Variants in KLHL35 observed in about 807,000 individuals in gnomAD.
KLHL35 encodes the protein kelch like family member 35.
KLHL35 carries 50 observed loss-of-function variants against 44.0 expected under a neutral mutation model. The observed-to-expected ratio is 1.14, with a 90% CI of 0.91 to 1.44. The LOEUF (loss-of-function observed/expected upper bound fraction) is 1.44, where lower values mean the gene tolerates loss of function less well. KLHL35 is among the 40% of genes most tolerant of loss of function. KLHL35 has a pLI of 0.00. For missense variants in KLHL35, 1,049 were observed against 887.8 expected (o/e 1.18, Z -2.31); for synonymous variants, 470 against 410.4 (o/e 1.15, Z -1.76).
Position 75,430,174 on chromosome 11 carries a change from G to A in KLHL35, c.456C>T (p.Ala152=). The change falls in exon 2 of 7, where the codon GCC becomes GCT. Residue 152 remains alanine (A), a synonymous_variant. Transcript: ENST00000539798. ...CGCGGCGCAGCGCTAGGCTGTTGGCGGCGCGCAGGCGGCCCTCGAGAAAGC... is the reference window on the plus strand; with the variant it reads ...CGCGGCGCAGCGCTAGGCTGTTGGCAGCGCGCAGGCGGCCCTCGAGAAAGC... ...CVRFLEGRLR[A]ANSLALRRVA... is the part of the protein sequence containing the mutation. 1.6e-6 allele frequency: 2 copies of A among 1,232,622 alleles called. No individual in the cohort carries two copies. Among genetic ancestry groups the A allele is most frequent in the South Asian group, 2.8e-5 (1 of 36,170 alleles). The allele number at this position is 1,232,622 out of a possible 1,614,324, so 76.4% of individuals were successfully genotyped here.
At chr11:75,424,045 G>A (rs971197466) in intron 5 of KLHL35, 165 bp from the exon 6 acceptor site, 10 of 605,864 alleles carry the variant, frequency 1.7e-5, no homozygotes, top group African/African-American at 9.3e-5. Flanking sequence ...GAGGTCCACC[G>A]TCCCTGCCCT....
chr11:75,423,567 G>T, intron 6 of KLHL35, 125 bp downstream of exon 6: 1 of 791,520 alleles, frequency 1.3e-6, no homozygotes, highest in Non-Finnish European at 2.1e-6. Flanking sequence ...CACTATCACT[G>T]TGAGGATGAG....
chr11:75,430,432 G>C lies in KLHL35; in HGVS notation c.198C>G (p.Phe66Leu). ...GCCGCCCGGCCGCGAACAAGCTGCG[G>C]AAGTAGGCGCTGCCCGCGCTGAGCG... ...RAALSAGSAY[F>L]RSLFAAGRPE... Residue 66 changes from phenylalanine (F) to leucine (L), a missense_variant, in exon 2 of 7, where the codon TTC becomes TTG. Transcript: ENST00000539798. 1 of 1,396,008 alleles carries C rather than the reference G, an allele frequency of 7.2e-7. No individual in the cohort carries two copies. The highest frequency in any genetic ancestry group is 9.3e-7 in the Non-Finnish European group (1 of 1,075,646). The allele number at this position is 1,396,008 out of a possible 1,614,324, so 86.5% of individuals were successfully genotyped here. A position where few individuals can be genotyped will look rare whatever the true frequency, so the allele number is the denominator to read the frequency against.
At chr11:75,426,397 G>A in intron 4 of KLHL35, 123 bp downstream of exon 4, 2 of 596,198 alleles carry the variant, frequency 3.4e-6, no homozygotes, top group Admixed American at 3.0e-5. Context: ...CCTTGGACAA[G>A]TCTCCTTTTT....
chr11:75,425,547 C>A lies in KLHL35; in HGVS notation c.1220G>T (p.Arg407Leu), dbSNP rs373575264. 6.7e-7 allele frequency: 1 copy of A among 1,496,286 alleles called. No individual in the cohort carries two copies. The highest frequency in any genetic ancestry group is 2.6e-5 in the East Asian group (1 of 39,140). The allele number at this position is 1,496,286 out of a possible 1,614,324, so 92.7% of individuals were successfully genotyped here. A position where few individuals can be genotyped will look rare whatever the true frequency, so the allele number is the denominator to read the frequency against. Residue 407 changes from arginine (R) to leucine (L), a missense_variant, in exon 5 of 7, where the codon CGC (arginine) becomes CTC (leucine). Physicochemically the swap from Arg to Leu is moderately radical, Grantham distance 102. Transcript: ENST00000539798. ...GTCGTAGCGCTCCACGCTGTGCAGG[C>A]GCCTCAGGCCGTCGAAGCCACCCAC... ...FAVGGFDGLR[R>L]LHSVERYDPF... is the part of the protein sequence containing the mutation.
chr11:75,426,497 C>A (rs375222996), intron 4 of KLHL35, 23 bp downstream of exon 4: 87 of 1,509,116 alleles, frequency 5.8e-5, no homozygotes, highest in Non-Finnish European at 7.4e-5. Context: ...TGTCCCAGGG[C>A]AGCCGCTGCA....
In KLHL35 at chr11:75,430,169, T is replaced by A; in HGVS notation, c.461A>T (p.Asn154Ile). 8.1e-7 allele frequency: 1 copy of A among 1,237,208 alleles called. No individual in the cohort carries two copies. The highest frequency in any genetic ancestry group is 2.8e-5 in the South Asian group (1 of 36,330). The allele number at this position is 1,237,208 out of a possible 1,614,324, so 76.6% of individuals were successfully genotyped here. A position where few individuals can be genotyped will look rare whatever the true frequency, so the allele number is the denominator to read the frequency against. The change falls in exon 2 of 7, where the codon AAC becomes ATC. Residue 154 changes from asparagine to isoleucine, a missense_variant. Coordinates refer to ENST00000539798, the MANE Select transcript of KLHL35 (RefSeq NM_001039548.3). ...GGCCACGCGGCGCAGCGCTAGGCTG[T>A]TGGCGGCGCGCAGGCGGCCCTCGAG... Reference protein sequence around the residue: ...RFLEGRLRAANSLALRRVAAA... With the variant: ...RFLEGRLRAAISLALRRVAAA...
In KLHL35 at chr11:75,430,458, C is replaced by A; in HGVS notation, c.172G>T (p.Ala58Ser). Residue 58 changes from alanine to serine, a missense_variant, in exon 2 of 7, where the codon GCG becomes TCG. By Grantham distance (99) the Ala-to-Ser change is moderately conservative (BLOSUM62 1). Coordinates refer to ENST00000539798, the MANE Select transcript of KLHL35 (RefSeq NM_001039548.3). ...GGRDFPCHRA[A>S]LSAGSAYFRS... ...AAGTAGGCGCTGCCCGCGCTGAGCG[C>A]CGCGCGGTGGCACGGAAAGTCGCGC... is the stretch of plus-strand genomic sequence containing the variant. The A allele has an allele frequency of 7.2e-7, 1 of 1,393,372 alleles. No homozygotes were observed. The highest frequency in any genetic ancestry group is 1.5e-5 in the South Asian group (1 of 65,484). The allele number at this position is 1,393,372 out of a possible 1,614,324, so 86.3% of individuals were successfully genotyped here. A position where few individuals can be genotyped will look rare whatever the true frequency, so the allele number is the denominator to read the frequency against.
rs141124271 is a variant in KLHL35 at position 75,430,117 on chromosome 11, G to C, written c.513C>G (p.Ala171=). The C allele has an allele frequency of 1.7e-3, 2,155 of 1,267,198 alleles. 3 individuals carry two copies. Among genetic ancestry groups the C allele is most frequent in the Non-Finnish European group, 1.9e-3 (1,910 of 1,010,776 alleles). The allele number at this position is 1,267,198 out of a possible 1,614,324, so 78.5% of individuals were successfully genotyped here. A position where few individuals can be genotyped will look rare whatever the true frequency, so the allele number is the denominator to read the frequency against. Residue 171 remains alanine, a synonymous_variant, in exon 2 of 7, where the codon GCC becomes GCG. Coordinates refer to ENST00000539798, the MANE Select transcript of KLHL35 (RefSeq NM_001039548.3). The part of the protein sequence containing the change: ...VAAAFSLAPL[A]ERCGRVLRQA... ...GACGCAGGACGCGGCCGCAGCGCTCGGCCAGCGGGGCCAGCGAGAAGGCGG... is the reference window on the plus strand; with the variant it reads ...GACGCAGGACGCGGCCGCAGCGCTCCGCCAGCGGGGCCAGCGAGAAGGCGG...
At chr11:75,427,723 CCT>C (rs1463937757) in intron 3 of KLHL35, among the ~76,000 whole-genome samples, 1 of 152,200 alleles carries the variant, frequency 6.6e-6, no homozygotes, top group African/African-American at 2.4e-5. Context: ...ACTTCAGAGC[CCT>C]GAGTCCCCAG....
At position 75,425,579 on chromosome 11, in the gene KLHL35, C is replaced by CA; in HGVS notation, c.1187dup (p.Phe397ValfsTer67). On this transcript the variant is annotated frameshift_variant and splice_region_variant, in exon 5 of 7. Coordinates refer to ENST00000539798, the MANE Select transcript of KLHL35 (RefSeq NM_001039548.3). LOFTEE classifies it high-confidence loss of function. ...GGCCGTCGAAGCCACCCACCGCGAACAGCTGCAAGTGAGGACATGGGCCGG... is the reference window on the plus strand; with the variant it reads ...GGCCGTCGAAGCCACCCACCGCGAACAAGCTGCAAGTGAGGACATGGGCCGG... 1 of 1,476,734 alleles carries CA rather than the reference C, an allele frequency of 6.8e-7. No individual in the cohort carries two copies. Among genetic ancestry groups the CA allele is most frequent in the African/African-American group, 1.5e-5 (1 of 67,722 alleles). 91.5% of individuals were successfully genotyped at this position (1,476,734 alleles called of 1,614,324 possible).
chr11:75,430,478 TCGCGCCCGC>T lies in KLHL35; in HGVS notation c.143_151del (p.Gly48_Arg50del). 1 of 1,403,246 alleles carries T rather than the reference TCGCGCCCGC, an allele frequency of 7.1e-7. No individual in the cohort carries two copies. Among genetic ancestry groups the T allele is most frequent in the Non-Finnish European group, 9.2e-7 (1 of 1,082,292 alleles). 86.9% of individuals were successfully genotyped at this position (1,403,246 alleles called of 1,614,324 possible). On this transcript the variant is annotated inframe_deletion, in exon 2 of 7. Transcript: ENST00000539798. ...GAGCGCCGCGCGGTGGCACGGAAAG[TCGCGCCCGC>T]CGGCGCGCAGCACCACGTCGGTGAG...
rs1948517537 is a variant in KLHL35 at position 75,429,744 on chromosome 11, C to A, written c.881+5G>T. On this transcript the variant is annotated splice_donor_5th_base_variant and intron_variant, in intron 2 of 6. Coordinates refer to ENST00000539798, the MANE Select transcript of KLHL35 (RefSeq NM_001039548.3). ...GGGCGGGAAGCTAGGGGATGGCGGC[C>A]CTACCTCCGCGGCCGGGTCCGCAGC... The A allele has an allele frequency of 1.4e-6, 2 of 1,453,980 alleles. No homozygotes were observed. Among genetic ancestry groups the A allele is most frequent in the Admixed American group, 2.7e-5 (1 of 36,540 alleles). 90.1% of individuals were successfully genotyped at this position (1,453,980 alleles called of 1,614,324 possible).
chr11:75,430,553 C>A lies in KLHL35; in HGVS notation c.77G>T (p.Arg26Leu). ...GTAGGCGTTCAGGGCCTGCAGCACG[C>A]GCTGCGCGTGGCACGGACCCGCGCA... ...APCAGPCHAQ[R>L]VLQALNAYRR... The change falls in exon 2 of 7, where the codon CGC becomes CTC. Residue 26 changes from arginine (R) to leucine (L), a missense_variant. Physicochemically the swap from Arg to Leu is moderately radical, Grantham distance 102. Transcript: ENST00000539798. The A allele has an allele frequency of 1.4e-6, 2 of 1,458,024 alleles. No homozygotes were observed. The highest frequency in any genetic ancestry group is 1.8e-6 in the Non-Finnish European group (2 of 1,110,424). 90.3% of individuals were successfully genotyped at this position (1,458,024 alleles called of 1,614,324 possible).
At position 75,422,510 on chromosome 11, in the gene KLHL35, G is replaced by T; in HGVS notation, c.*70C>A. ...AGGGCTGTTTGCGTGGAGGTGCCAT[G>T]AGGGAGCAGAGTGTGCATCTGAGCT... On this transcript the variant is annotated 3_prime_UTR_variant, in exon 7 of 7. Transcript: ENST00000539798. The T allele has an allele frequency of 6.9e-7, 1 of 1,447,104 alleles. No homozygotes were observed. The highest frequency in any genetic ancestry group is 9.6e-7 in the Non-Finnish European group (1 of 1,045,952). The allele number at this position is 1,447,104 out of a possible 1,614,324, so 89.6% of individuals were successfully genotyped here.
At position 75,433,048 on chromosome 11, in the gene KLHL35, C is replaced by T. The variant is rs1948552923; in HGVS notation, c.-7G>A. Among the ~76,000 whole-genome samples the T allele has an allele frequency of 6.6e-6, 1 of 152,212 alleles. No individual in the cohort carries two copies. The highest frequency in any genetic ancestry group is 1.5e-5 in the Non-Finnish European group (1 of 68,048). ...CCCATGCACCTGGCACTTACCTGGC[C>T]ATACCCTCTCCCAAGTGCTCCGCAG... On this transcript the variant is annotated 5_prime_UTR_variant, in exon 1 of 7. It removes an upstream start codon present in the reference 5' UTR. Transcript: ENST00000539798.
Position 75,432,912 on chromosome 11 carries a change from T to C in KLHL35, c.-2+131A>G, listed in dbSNP as rs772697799. On this transcript the variant is annotated intron_variant, in intron 1 of 6. Coordinates refer to ENST00000539798, the MANE Select transcript of KLHL35 (RefSeq NM_001039548.3). ...CTCGAACATGCCACCATCACTCTTTTACACACCCACATCCACTTGAAGCCA... is the reference window on the plus strand; with the variant it reads ...CTCGAACATGCCACCATCACTCTTTCACACACCCACATCCACTTGAAGCCA... Among the ~76,000 whole-genome samples, 155 of 152,308 alleles carry C rather than the reference T, an allele frequency of 1.0e-3. 1 individual carries two copies. The highest frequency in any genetic ancestry group is 1.4e-3 in the Non-Finnish European group (94 of 68,032).
intron 3 of KLHL35, among the ~76,000 whole-genome samples, chr11:75,428,237 A>G (rs1416832936): frequency 6.6e-6 from 1 of 152,266 alleles, no homozygotes; most frequent in Non-Finnish European, 1.5e-5. Context: ...TTCAGAACAA[A>G]AAGTAATCAT....
chr11:75,428,684 A>G (rs1280956296), intron 2 of KLHL35, 58 bp from the exon 3 acceptor site: 5 of 1,426,070 alleles, frequency 3.5e-6, no homozygotes, highest in East Asian at 4.6e-5. Flanking sequence ...GCCCTCTCTT[A>G]CCCTCTCGAC....
Sources: gnomAD v4.1 joint callset for allele counts (sites outside exome capture counted in the v4.1 genomes callset) on GRCh38, gnomAD v4.1.1 for gene constraint, MANE v1.5 for transcripts, NCBI Gene and HGNC (gene_info 2026-07-23, HGNC 2026-07-21) for gene names.